The following CRB1 variants were observed in gnomAD, a reference collection of about 807,000 sequenced individuals.
CRB1 encodes protein crumbs homolog 1.
A neutral mutation model predicts 120.0 loss-of-function variants in CRB1; 83 were observed. The observed-to-expected ratio is 0.69, with a 90% confidence interval of 0.58 to 0.83. The LOEUF is 0.83. CRB1 is among the 40% of genes least tolerant of loss of function. The probability of loss-of-function intolerance (pLI) is 0.00; values close to 1 mark genes in which losing one functional copy is unlikely to be tolerated. For missense variants in CRB1, 1,699 were observed against 1,687.6 expected (o/e 1.01, Z -0.12); for synonymous variants, 625 against 612.5 (o/e 1.02, Z -0.30).
chr1:197,384,661 C>T (rs1473869434), intron 5 of CRB1, among the ~76,000 whole-genome samples: 2 of 151,960 alleles, frequency 1.3e-5, no homozygotes, highest in Admixed American at 1.3e-4. Context: ...ATAAAATGGC[C>T]AAATGAGAAC....
chr1:197,218,614 G>A, the CRB1 span, among the ~76,000 whole-genome samples: 1 of 152,196 alleles, frequency 6.6e-6, no homozygotes, highest in African/African-American at 2.4e-5. Flanking sequence ...AGAAAAGGAT[G>A]TTGTGTGGGC....
the CRB1 span, among the ~76,000 whole-genome samples, chr1:197,258,119 T>C: frequency 6.6e-6 from 1 of 152,174 alleles, no homozygotes; most frequent in African/African-American, 2.4e-5. Context: ...CACAATAGGG[T>C]GACTATAGTT....
chr1:197,227,393 CTTTTTTTT>C, the CRB1 span, among the ~76,000 whole-genome samples: 2 of 138,128 alleles, frequency 1.4e-5, no homozygotes, highest in Admixed American at 7.3e-5. Flanking sequence ...TTTTCTTTTT[CTTTTTTTT>C]TTTTTTTTTG....
At position 197,421,717 on chromosome 1, in the gene CRB1, T is replaced by C; in HGVS notation, c.1889T>C (p.Phe630Ser). 6.2e-7 allele frequency: 1 copy of C among 1,614,184 alleles called. No homozygotes were observed. Among genetic ancestry groups the C allele is most frequent in the Non-Finnish European group, 8.5e-7 (1 of 1,180,040 alleles). Residue 630 changes from phenylalanine to serine, a missense_variant, in exon 6 of 12, where the codon TTC (phenylalanine) becomes TCC (serine). Coordinates refer to ENST00000367400, the MANE Select transcript of CRB1 (RefSeq NM_201253.3). ...MTSNGVALLN[F>S]YNMPSTPSFV... is the part of the protein sequence containing the mutation. ...AGCAATGGTGTTGCTCTGCTTAACT[T>C]CTATAATATGCCATCCACACCTTCG...
At chr1:197,435,745 G>T in intron 9 of CRB1, 133 bp downstream of exon 9, 1 of 798,290 alleles carries the variant, frequency 1.3e-6, no homozygotes, top group Non-Finnish European at 2.1e-6. Flanking sequence ...GGTAGCTTCT[G>T]TCACAATTTG....
chr1:197,409,047 A>G (rs896650238), intron 5 of CRB1, among the ~76,000 whole-genome samples: 1 of 152,226 alleles, frequency 6.6e-6, no homozygotes, highest in East Asian at 1.9e-4. Flanking sequence ...CAATAGACTG[A>G]ATCAAATCTT....
At chr1:197,280,993 T>A (rs1655488853) in intron 1 of CRB1, among the ~76,000 whole-genome samples, 1 of 151,854 alleles carries the variant, frequency 6.6e-6, no homozygotes, top group Admixed American at 6.6e-5. Context: ...GTGCTACAAC[T>A]CCTGATGCTA....
chr1:197,304,560 A>G (rs1360544610), intron 1 of CRB1: 4 of 173,266 alleles, frequency 2.3e-5, no homozygotes, highest in Non-Finnish European at 4.6e-5. Flanking sequence ...CCCTCCACCT[A>G]TGTGGTTTTC....
intron 5 of CRB1, among the ~76,000 whole-genome samples, chr1:197,379,874 A>C (rs572813340): frequency 3.0e-4 from 46 of 152,320 alleles, no homozygotes; most frequent in African/African-American, 1.1e-3. Flanking sequence ...TTTCAGCACA[A>C]AGGAGTTACC....
In CRB1 at chr1:197,435,630, A is replaced by G. The variant is rs1472645134; in HGVS notation, c.3749+18A>G. The G allele has an allele frequency of 1.2e-6, 2 of 1,602,422 alleles. No homozygotes were observed. The highest frequency in any genetic ancestry group is 8.5e-7 in the Non-Finnish European group (1 of 1,172,420). ...TTTTGCAGGTGAGCATAAAGTCCAT[A>G]TGAAGCTTGGTCTTTGAAGCTATAC... On this transcript the variant is annotated intron_variant, in intron 9 of 11. Transcript: ENST00000367400.
chr1:197,452,379 G>T (rs1666015363), intron 11 of CRB1, among the ~76,000 whole-genome samples: 1 of 152,128 alleles, frequency 6.6e-6, no homozygotes, highest in East Asian at 1.9e-4. Flanking sequence ...TTAGTCTAAT[G>T]ATATTAAAAG....
At chr1:197,342,555 A>G (rs1369424188) in intron 2 of CRB1, among the ~76,000 whole-genome samples, 1 of 151,974 alleles carries the variant, frequency 6.6e-6, no homozygotes, top group Admixed American at 6.6e-5. Flanking sequence ...TTCTACATTA[A>G]TTGTTGATTT....
At chr1:197,393,619 T>A (rs1001255289) in intron 5 of CRB1, among the ~76,000 whole-genome samples, 2 of 152,072 alleles carry the variant, frequency 1.3e-5, no homozygotes, top group African/African-American at 4.8e-5. Flanking sequence ...TTTAAATGAT[T>A]TGAATGACCA....
chr1:197,453,131 A>T (rs1666049002), intron 11 of CRB1, among the ~76,000 whole-genome samples: 1 of 151,830 alleles, frequency 6.6e-6, no homozygotes, highest in Non-Finnish European at 1.5e-5. Flanking sequence ...AGAAGGACAA[A>T]TATTGTTTGA....
the CRB1 span, among the ~76,000 whole-genome samples, chr1:197,234,564 A>G: frequency 2.6e-5 from 4 of 152,232 alleles, no homozygotes; most frequent in African/African-American, 9.6e-5. Flanking sequence ...TTAAACAGCA[A>G]TAGTTAACAA....
the CRB1 span, among the ~76,000 whole-genome samples, chr1:197,205,956 T>A: frequency 2.6e-5 from 4 of 151,734 alleles, no homozygotes; most frequent in Admixed American, 2.0e-4. Flanking sequence ...CCCTTCAGAG[T>A]TTCTAATTCT....
At chr1:197,278,543 A>G (rs565276382) in intron 1 of CRB1, among the ~76,000 whole-genome samples, 1 of 152,066 alleles carries the variant, frequency 6.6e-6, no homozygotes, top group African/African-American at 2.4e-5. Flanking sequence ...TGGAGGAAGC[A>G]TACAATAGCT....
chr1:197,235,374 A>G, the CRB1 span, among the ~76,000 whole-genome samples: 1 of 152,190 alleles, frequency 6.6e-6, no homozygotes, highest in Non-Finnish European at 1.5e-5. Context: ...GAAAGAGGTT[A>G]TTGAGCCAGA....
chr1:197,456,618 T>C (rs965766989), intron 11 of CRB1, among the ~76,000 whole-genome samples: 9 of 152,070 alleles, frequency 5.9e-5, no homozygotes, highest in African/African-American at 2.2e-4. Context: ...AAGAACCCAA[T>C]GCACAGAAAC....
Sources: allele counts gnomAD v4.1 joint callset (sites outside exome capture counted in the v4.1 genomes callset), GRCh38; gene constraint gnomAD v4.1.1; transcripts MANE v1.5; gene names NCBI Gene and HGNC (gene_info 2026-07-23, HGNC 2026-07-21).